SEM1: variants seen among roughly 807,000 people sequenced by gnomAD.
The protein encoded by SEM1 is 26S proteasome complex subunit SEM1.
Under a neutral mutation model 12.7 loss-of-function variants are expected in SEM1, and 3 were observed. The observed-to-expected ratio is 0.24, with a 90% CI of 0.11 to 0.61. The LOEUF is 0.61. Ranked by LOEUF, SEM1 falls within the 20% of genes least tolerant of loss-of-function variation. SEM1 has a pLI of 0.88. For synonymous variants in SEM1, 30 were observed against 27.8 expected (o/e 1.08, Z -0.25); for missense variants, 59 against 81.3 (o/e 0.73, Z 1.06).
At chr7:96,502,511 T>G (rs1159327068) in intron 3 of SEM1, among the ~76,000 whole-genome samples, 2 of 152,136 alleles carry the variant, frequency 1.3e-5, no homozygotes, top group African/African-American at 4.8e-5. Flanking sequence ...GTGCCTCAGT[T>G]TTCTATTTGT....
At chr7:96,694,456 T>A (rs1742287726) in intron 2 of SEM1, among the ~76,000 whole-genome samples, 1 of 151,988 alleles carries the variant, frequency 6.6e-6, no homozygotes, top group Non-Finnish European at 1.5e-5. Context: ...CACCAATCTA[T>A]TAGGTCCCAG....
intron 2 of SEM1, among the ~76,000 whole-genome samples, chr7:96,544,788 A>T (rs1161013986): frequency 1.3e-5 from 2 of 152,048 alleles, no homozygotes; most frequent in Admixed American, 6.6e-5. Context: ...ATATTAAGAA[A>T]ATCACAAAGA....
At chr7:96,673,702 T>A (rs1789380689) in exon 3 of SEM1, 1 of 759,822 alleles carries the variant, frequency 1.3e-6, no homozygotes, top group African/African-American at 1.7e-5. Flanking sequence ...TCCAATCCTG[T>A]GCATCCCAGC....
At chr7:96,561,505 G>A (rs955676477) in intron 2 of SEM1, among the ~76,000 whole-genome samples, 3 of 152,250 alleles carry the variant, frequency 2.0e-5, no homozygotes, top group East Asian at 1.9e-4. Flanking sequence ...AACCTTCGAC[G>A]CCTATAACCT....
chr7:96,510,639 A>G (rs1803908333), intron 2 of SEM1, among the ~76,000 whole-genome samples: 1 of 152,182 alleles, frequency 6.6e-6, no homozygotes, highest in Admixed American at 6.6e-5. Context: ...GTTGGATCAC[A>G]GTTGGTACAA....
intron 1 of SEM1, chr7:96,706,497 G>C (rs923494291): frequency 1.3e-5 from 2 of 149,148 alleles, no homozygotes; most frequent in African/African-American, 5.0e-5. Context: ...AGGAGGTGGA[G>C]GTTGCAGTCA....
intron 2 of SEM1, among the ~76,000 whole-genome samples, chr7:96,627,644 T>C (rs138374477): frequency 1.5e-3 from 231 of 152,306 alleles, no homozygotes; most frequent in African/African-American, 5.4e-3. Context: ...CTTGATATGA[T>C]TTCAACTTTT....
intron 2 of SEM1, among the ~76,000 whole-genome samples, chr7:96,539,625 C>G (rs1804889176): frequency 1.3e-5 from 2 of 151,672 alleles, no homozygotes; most frequent in Admixed American, 6.6e-5. Flanking sequence ...AAAAGCCTTA[C>G]TAAAATATAT....
chr7:96,503,951 C>T (rs544226566), intron 3 of SEM1, among the ~76,000 whole-genome samples: 1 of 152,226 alleles, frequency 6.6e-6, no homozygotes, highest in Admixed American at 6.5e-5. Flanking sequence ...CTCACAGCTG[C>T]TCACTTCCTA....
intron 2 of SEM1, among the ~76,000 whole-genome samples, chr7:96,579,856 A>G (rs1484131158): frequency 6.6e-6 from 1 of 152,198 alleles, no homozygotes; most frequent in Non-Finnish European, 1.5e-5. Flanking sequence ...GAAATTGGTG[A>G]AGGGTGCATA....
At chr7:96,688,372 T>A (rs1789824516), downstream of SEM1, 1 of 152,216 alleles carries the variant, frequency 6.6e-6, no homozygotes. Flanking sequence ...ATTAATAATA[T>A]TATTAATGGC....
At chr7:96,662,448 T>A (rs958690534) in intron 2 of SEM1, among the ~76,000 whole-genome samples, 1 of 152,084 alleles carries the variant, frequency 6.6e-6, no homozygotes, top group Non-Finnish European at 1.5e-5. Flanking sequence ...ATGCTCTCAC[T>A]CATAAGTGGG....
At chr7:96,637,670 T>A (rs1384412037) in intron 2 of SEM1, among the ~76,000 whole-genome samples, 2 of 152,018 alleles carry the variant, frequency 1.3e-5, no homozygotes, top group Admixed American at 1.3e-4. Flanking sequence ...TACTTCTGCA[T>A]AAGATGAAAG....
chr7:96,699,292 C>T (rs757146615), intron 1 of SEM1, among the ~76,000 whole-genome samples: 3 of 152,148 alleles, frequency 2.0e-5, no homozygotes, highest in Non-Finnish European at 4.4e-5. Flanking sequence ...TTTATTTCGC[C>T]CTTAGTCCTC....
At chr7:96,486,382 T>C (rs942543878) in exon 2 of SEM1, 2 of 1,536,988 alleles carry the variant, frequency 1.3e-6, no homozygotes, top group South Asian at 1.2e-5. Flanking sequence ...CCACTTTTCC[T>C]CCTTGTACAG....
At chr7:96,692,331 T>C (rs1273443143) in intron 2 of SEM1, among the ~76,000 whole-genome samples, 1 of 152,162 alleles carries the variant, frequency 6.6e-6, no homozygotes, top group East Asian at 1.9e-4. Context: ...ATTTTGAATG[T>C]CAAAGGAAGA....
At chr7:96,608,784 T>C (rs1031090479) in intron 2 of SEM1, among the ~76,000 whole-genome samples, 3 of 152,238 alleles carry the variant, frequency 2.0e-5, no homozygotes, top group African/African-American at 7.2e-5. Flanking sequence ...TAATATTCCA[T>C]AGTATGTATA....
At position 96,577,586 on chromosome 7, in the gene SEM1, G is replaced by C. The variant is rs1391282696; in HGVS notation, c.171-70888C>G. ...TTCCCTGAGAATTCAAAACCACAAA[G>C]AAGCCTTTACATGGATTTGGGGATG... On this transcript the variant is annotated intron_variant and NMD_transcript_variant, in intron 2 of 3. Coordinates refer to the SEM1 transcript ENST00000466986. Among the ~76,000 whole-genome samples, 3 of 151,988 alleles carry C rather than the reference G, an allele frequency of 2.0e-5. No individual in the cohort carries two copies. In the East Asian group the frequency reaches 5.8e-4, roughly 29 times the overall value.
intron 2 of SEM1, among the ~76,000 whole-genome samples, chr7:96,604,335 C>A (rs1329961200): frequency 1.3e-5 from 2 of 152,184 alleles, no homozygotes; most frequent in Admixed American, 6.5e-5. Flanking sequence ...GGAACAGGGT[C>A]TCTAAAGCAG....
Sources: allele counts gnomAD v4.1 joint callset (sites outside exome capture counted in the v4.1 genomes callset), GRCh38; gene constraint gnomAD v4.1.1; transcripts MANE v1.5; gene names NCBI Gene and HGNC (gene_info 2026-07-23, HGNC 2026-07-21).